GABBR2: variants seen among roughly 807,000 people sequenced by gnomAD.
GABBR2 encodes G-protein coupled receptor 51.
A neutral mutation model predicts 105.6 loss-of-function variants in GABBR2; 23 were observed. The ratio of observed to expected loss-of-function variants is 0.22; its 90% CI spans 0.16 to 0.31. The LOEUF (loss-of-function observed/expected upper bound fraction) is 0.31. GABBR2 is among the 10% of genes least tolerant of loss of function. GABBR2 has a pLI of 1.00. For missense variants in GABBR2, 734 were observed against 1,245.5 expected, an observed-to-expected ratio of 0.59 and a Z score of 6.18; for synonymous variants, 478 against 499.7, an observed-to-expected ratio of 0.96 and a Z score of 0.58.
chr9:98,336,112 G>A (rs1226071072), intron 13 of GABBR2, among the ~76,000 whole-genome samples: 1 of 152,222 alleles, frequency 6.6e-6, no homozygotes, highest in Admixed American at 6.5e-5. Flanking sequence ...TCAGGGAGGT[G>A]GCATTTAAGC....
In GABBR2 at chr9:98,699,873, A is replaced by C. The variant is rs563400562; in HGVS notation, c.321+8544T>G. ...GTGCACTGTTACATAACGCTAGAGA[A>C]GAAGAAGAAAAGAAAGTAATAGAAT... On this transcript the variant is annotated intron_variant, in intron 1 of 18. Transcript: ENST00000259455. 6.6e-5 allele frequency among the ~76,000 whole-genome samples: 10 copies of C among 152,328 alleles called. 1 individual carries two copies. In the South Asian group the frequency reaches 2.1e-3, roughly 32 times the overall value.
chr9:98,383,938 C>T (rs1287348838), intron 11 of GABBR2, among the ~76,000 whole-genome samples: 3 of 152,158 alleles, frequency 2.0e-5, no homozygotes, highest in Non-Finnish European at 4.4e-5. Context: ...CACTGCTAGC[C>T]TTCAGCCCTC....
intron 7 of GABBR2, among the ~76,000 whole-genome samples, chr9:98,408,439 G>T (rs1832527491): frequency 1.3e-5 from 2 of 152,212 alleles, no homozygotes; most frequent in Admixed American, 1.3e-4. Flanking sequence ...GACTGGTGAA[G>T]CCATCCCTGC....
At chr9:98,506,816 C>T (rs995536024) in intron 3 of GABBR2, among the ~76,000 whole-genome samples, 2 of 152,174 alleles carry the variant, frequency 1.3e-5, no homozygotes, top group African/African-American at 4.8e-5. Flanking sequence ...AGCTGGCCTA[C>T]ATGGCAATTG....
chr9:98,698,769 A>T (rs1049409070), intron 1 of GABBR2, among the ~76,000 whole-genome samples: 3 of 151,874 alleles, frequency 2.0e-5, no homozygotes, highest in Non-Finnish European at 2.9e-5. Flanking sequence ...AAGTGCTGGG[A>T]TTACAGGCAT....
chr9:98,451,620 G>A (rs1157968535), intron 7 of GABBR2, among the ~76,000 whole-genome samples: 1 of 152,194 alleles, frequency 6.6e-6, no homozygotes, highest in Non-Finnish European at 1.5e-5. Flanking sequence ...CCCACCCCGA[G>A]AGGTTCTGAT....
intron 11 of GABBR2, among the ~76,000 whole-genome samples, chr9:98,373,812 A>G (rs1831826038): frequency 1.4e-5 from 2 of 138,790 alleles, no homozygotes; most frequent in Admixed American, 7.2e-5. Context: ...ACAAAGATCT[A>G]TTTTGAGGAG....
chr9:98,395,145 G>C (rs1191034113), intron 8 of GABBR2, among the ~76,000 whole-genome samples: 1 of 152,146 alleles, frequency 6.6e-6, no homozygotes, highest in Non-Finnish European at 1.5e-5. Context: ...ATGGAAATGG[G>C]GATCAGATTT....
At chr9:98,671,897 T>TA (rs894002977) in intron 1 of GABBR2, among the ~76,000 whole-genome samples, 2 of 152,094 alleles carry the variant, frequency 1.3e-5, no homozygotes, top group African/African-American at 4.8e-5. Flanking sequence ...AAAGAGATGG[T>TA]AAAAAGCAGA....
chr9:98,696,456 C>T (rs564384196), intron 1 of GABBR2, among the ~76,000 whole-genome samples: 11 of 152,246 alleles, frequency 7.2e-5, no homozygotes, highest in African/African-American at 1.7e-4. Context: ...GCTGGGAGGC[C>T]GCTGGACTGG....
intron 1 of GABBR2, among the ~76,000 whole-genome samples, chr9:98,706,016 C>T (rs1471907992): frequency 1.3e-5 from 2 of 151,284 alleles, no homozygotes; most frequent in African/African-American, 4.9e-5. Context: ...GTGGAGGTTG[C>T]GGTGAGCCAA....
intron 11 of GABBR2, among the ~76,000 whole-genome samples, chr9:98,377,558 A>G (rs1831898805): frequency 6.6e-6 from 1 of 152,190 alleles, no homozygotes; most frequent in South Asian, 2.1e-4. Context: ...TTCAATCTAC[A>G]CTGCCAGCTC....
At chr9:98,498,219 G>A (rs938589689) in intron 3 of GABBR2, among the ~76,000 whole-genome samples, 9 of 151,298 alleles carry the variant, frequency 5.9e-5, no homozygotes, top group African/African-American at 9.7e-5. Context: ...GTGGTTACCA[G>A]CAGCTGAGGG....
chr9:98,485,797 C>T (rs1482168873), intron 4 of GABBR2, among the ~76,000 whole-genome samples: 4 of 152,164 alleles, frequency 2.6e-5, no homozygotes, highest in Non-Finnish European at 1.5e-5. Context: ...CTGGTACACC[C>T]GCCCGGCTGC....
At chr9:98,296,133 T>C (rs1830378433) in intron 17 of GABBR2, among the ~76,000 whole-genome samples, 1 of 151,972 alleles carries the variant, frequency 6.6e-6, no homozygotes, top group Admixed American at 6.6e-5. Flanking sequence ...CTTTAGGAGG[T>C]AATTAAGTCG....
chr9:98,347,570 C>T (rs976757331), intron 13 of GABBR2, among the ~76,000 whole-genome samples: 1 of 152,028 alleles, frequency 6.6e-6, no homozygotes, highest in African/African-American at 2.4e-5. Context: ...GAGGTCTTTT[C>T]GTTTCATATA....
intron 1 of GABBR2, among the ~76,000 whole-genome samples, chr9:98,605,923 C>T (rs953859584): frequency 6.6e-6 from 1 of 152,076 alleles, no homozygotes; most frequent in Admixed American, 6.5e-5. Flanking sequence ...ATCCCTCCCC[C>T]GTCCCTCCAC....
chr9:98,299,782 G>C (rs908654183), intron 16 of GABBR2, among the ~76,000 whole-genome samples: 1 of 152,242 alleles, frequency 6.6e-6, no homozygotes, highest in Admixed American at 6.5e-5. Flanking sequence ...CCTACCTCAG[G>C]GGGAGGTTGT....
At chr9:98,500,526 G>A (rs563686533) in intron 3 of GABBR2, among the ~76,000 whole-genome samples, 1 of 152,340 alleles carries the variant, frequency 6.6e-6, no homozygotes, top group East Asian at 1.9e-4. Flanking sequence ...CTCCCTAAAG[G>A]CCAGGGCCTC....
Sources: allele counts gnomAD v4.1 joint callset (sites outside exome capture counted in the v4.1 genomes callset), GRCh38; gene constraint gnomAD v4.1.1; transcripts MANE v1.5; gene names NCBI Gene and HGNC (gene_info 2026-07-23, HGNC 2026-07-21).